MAGI3: variants seen among roughly 807,000 people sequenced by gnomAD.
The protein encoded by MAGI3 is membrane-associated guanylate kinase, WW and PDZ domain-containing protein 3.
MAGI3 carries 43 observed loss-of-function variants against 121.8 expected under a neutral mutation model. That is an observed-to-expected ratio of 0.35 (90% CI 0.28 to 0.46). MAGI3 has a LOEUF of 0.46. Among genes scored for constraint, MAGI3 ranks in the 20% least tolerant of loss-of-function variants. The pLI is 1.00. For missense variants in MAGI3, 1,547 were observed against 1,797.3 expected (o/e 0.86, Z 2.52); for synonymous variants, 553 against 639.3 (o/e 0.86, Z 2.04).
chr1:113,422,615 G>T lies in MAGI3; in HGVS notation c.316+31266G>T, dbSNP rs1652781235. On this transcript the variant is annotated intron_variant, in intron 1 of 20. Transcript: ENST00000307546. This position sits in a 1 kb window ranked among gnomAD's most constrained non-coding sequence, Gnocchi z 4.3. The stretch of plus-strand genomic sequence containing the variant: ...GCTCCCGGCGCTGGCACAGGCGCCT[G>T]CTCCGTGCAAGGGTGCATCTATACC... 6.6e-6 allele frequency among the ~76,000 whole-genome samples: 1 copy of T among 152,232 alleles called. No homozygotes were observed. The highest frequency in any genetic ancestry group is 2.1e-4 in the South Asian group (1 of 4,836).
At chr1:113,412,123 T>C (rs763714437) in intron 1 of MAGI3, among the ~76,000 whole-genome samples, 6 of 149,148 alleles carry the variant, frequency 4.0e-5, no homozygotes, top group Non-Finnish European at 5.9e-5. Context: ...ACATGCAGTG[T>C]TTGGTTTTCT....
intron 1 of MAGI3, among the ~76,000 whole-genome samples, chr1:113,448,130 C>T (rs1465651359): frequency 6.6e-6 from 1 of 152,126 alleles, no homozygotes; most frequent in Non-Finnish European, 1.5e-5. Flanking sequence ...TCTTTCAAGG[C>T]AGTGGTACAT....
intron 9 of MAGI3, among the ~76,000 whole-genome samples, chr1:113,623,732 C>CT (rs572243362): frequency 4.8e-4 from 73 of 152,206 alleles, no homozygotes; most frequent in South Asian, 2.3e-3. Flanking sequence ...CGTGATCCGC[C>CT]TGCCTTGGCC....
chr1:113,474,550 G>A (rs1655713219), intron 1 of MAGI3, among the ~76,000 whole-genome samples: 1 of 152,102 alleles, frequency 6.6e-6, no homozygotes, highest in Non-Finnish European at 1.5e-5. Context: ...TTTTTGTCAG[G>A]TTTGTCAAAG....
chr1:113,679,157 T>G (rs868740899), intron 19 of MAGI3, among the ~76,000 whole-genome samples: 1 of 152,176 alleles, frequency 6.6e-6, no homozygotes, highest in Non-Finnish European at 1.5e-5. Flanking sequence ...CACAGGTATA[T>G]TGCATGATTC....
intron 1 of MAGI3, among the ~76,000 whole-genome samples, chr1:113,444,124 G>T (rs1453726223): frequency 2.0e-5 from 3 of 152,220 alleles, no homozygotes; most frequent in Non-Finnish European, 2.9e-5. Context: ...TCGCATGGTA[G>T]CAGCTACCCA....
At chr1:113,416,613 T>C (rs1482526607) in intron 1 of MAGI3, among the ~76,000 whole-genome samples, 1 of 149,358 alleles carries the variant, frequency 6.7e-6, no homozygotes, top group Non-Finnish European at 1.5e-5. Flanking sequence ...GTAGAACTGA[T>C]GCCTGGGATG....
chr1:113,411,650 G>A (rs908785270), intron 1 of MAGI3, among the ~76,000 whole-genome samples: 2 of 151,028 alleles, frequency 1.3e-5, no homozygotes, highest in Non-Finnish European at 2.9e-5. Context: ...AAACTTACTC[G>A]CTTCTTTGAA....
chr1:113,680,418 C>G (rs1385082874), intron 19 of MAGI3, among the ~76,000 whole-genome samples: 3 of 152,152 alleles, frequency 2.0e-5, no homozygotes, highest in Non-Finnish European at 2.9e-5. Context: ...CAGGTTTACT[C>G]ACGCATAAAA....
intron 2 of MAGI3, among the ~76,000 whole-genome samples, chr1:113,567,544 T>C (rs1380223026): frequency 6.6e-6 from 1 of 152,044 alleles, no homozygotes; most frequent in Non-Finnish European, 1.5e-5. Flanking sequence ...CAAATTATAT[T>C]GCACATTAAA....
chr1:113,672,768 A>G, intron 18 of MAGI3, 27 bp downstream of exon 18: 1 of 1,592,064 alleles, frequency 6.3e-7, no homozygotes, highest in Non-Finnish European at 8.5e-7. Context: ...CCAGATGGGG[A>G]GTGATATTTT....
chr1:113,560,100 G>T (rs543230488), intron 2 of MAGI3, among the ~76,000 whole-genome samples: 2 of 151,990 alleles, frequency 1.3e-5, no homozygotes, highest in East Asian at 3.9e-4. Context: ...ATGGCACTTA[G>T]TCTAAAACTG....
At chr1:113,652,813 T>A (rs74631866) in intron 14 of MAGI3, among the ~76,000 whole-genome samples, 3,262 of 152,280 alleles carry the variant, frequency 0.021, 115 homozygotes, top group African/African-American at 0.074. Context: ...TTTTAAAAAA[T>A]CAGTTAGGAC....
intron 3 of MAGI3, among the ~76,000 whole-genome samples, chr1:113,583,341 G>A (rs1055964829): frequency 6.6e-6 from 1 of 151,270 alleles, no homozygotes; most frequent in Non-Finnish European, 1.5e-5. Context: ...TTTAATCTGA[G>A]CCCCATAATT....
At position 113,391,168 on chromosome 1, in the gene MAGI3, G is replaced by C; in HGVS notation, c.135G>C (p.Leu45=). 1 of 1,555,892 alleles carries C rather than the reference G, an allele frequency of 6.4e-7. No individual in the cohort carries two copies. Among genetic ancestry groups the C allele is most frequent in the African/African-American group, 1.4e-5 (1 of 73,420 alleles). The part of the protein sequence containing the change: ...GGAERGEFPY[L]GRLREEPGGG... ...CGGAGCGTGGCGAGTTCCCCTACCT[G>C]GGGCGGCTCCGCGAGGAGCCCGGCG... The change falls in exon 1 of 21, where the codon CTG becomes CTC. Residue 45 remains leucine, a synonymous_variant. Transcript: ENST00000307546. This position sits in a 1 kb window ranked among gnomAD's most constrained non-coding sequence, Gnocchi z 4.4.
chr1:113,568,887 C>T (rs917436758), intron 2 of MAGI3, among the ~76,000 whole-genome samples: 2 of 151,742 alleles, frequency 1.3e-5, no homozygotes, highest in Non-Finnish European at 2.9e-5. Context: ...GGATTTTTTT[C>T]AACTAGACAC....
intron 1 of MAGI3, among the ~76,000 whole-genome samples, chr1:113,495,010 ATCT>A (rs1037064878): frequency 1.3e-5 from 2 of 152,180 alleles, no homozygotes; most frequent in African/African-American, 4.8e-5. Flanking sequence ...TGTTGGAAAA[ATCT>A]TCTTAGTTCA....
At chr1:113,531,704 G>A in intron 1 of MAGI3, among the ~76,000 whole-genome samples, 1 of 92,738 alleles carries the variant, frequency 1.1e-5, no homozygotes, top group Non-Finnish European at 2.1e-5. Flanking sequence ...AACATAAGTG[G>A]TATTGCGGGG....
chr1:113,460,131 A>G (rs1417267448), intron 1 of MAGI3, among the ~76,000 whole-genome samples: 1 of 152,226 alleles, frequency 6.6e-6, no homozygotes, highest in Non-Finnish European at 1.5e-5. Context: ...CAAATCAGTA[A>G]TTGTGATTCA....
Sources: gnomAD v4.1 joint callset for allele counts (sites outside exome capture counted in the v4.1 genomes callset) on GRCh38, gnomAD v4.1.1 for gene constraint, Gnocchi (gnomAD v3.1) non-coding constraint, MANE v1.5 for transcripts, NCBI Gene and HGNC (gene_info 2026-07-23, HGNC 2026-07-21) for gene names.